Variants in SMARCD3 observed in about 807,000 individuals in gnomAD.
The protein encoded by SMARCD3 is SWI/SNF related BAF chromatin remodeling complex subunit D3, also known as SWI/SNF-related matrix-associated actin-dependent regulator of chromatin subfamily D member 3.
Under a neutral mutation model 58.0 loss-of-function variants are expected in SMARCD3, and 14 were observed. The observed-to-expected ratio is 0.24, with a 90% CI of 0.16 to 0.38. The LOEUF (loss-of-function observed/expected upper bound fraction) is 0.38. SMARCD3 is among the 10% of genes least tolerant of loss of function. The probability of loss-of-function intolerance (pLI) is 1.00; values close to 1 mark genes in which losing one functional copy is unlikely to be tolerated. For missense variants in SMARCD3, 408 were observed against 636.9 expected, an observed-to-expected ratio of 0.64 and a Z score of 3.87; for synonymous variants, 253 against 253.8, an observed-to-expected ratio of 1.00 and a Z score of 0.03.
chr7:151,274,210 G>C (rs1038375837), intron 2 of SMARCD3, among the ~76,000 whole-genome samples: 1 of 152,228 alleles, frequency 6.6e-6, no homozygotes, highest in Non-Finnish European at 1.5e-5. Context: ...GGCCCTGCCA[G>C]TACCCACCCT....
In SMARCD3 at chr7:151,239,807, A is replaced by C; in HGVS notation, c.1174-61T>G. 2 of 1,391,958 alleles carry C rather than the reference A, an allele frequency of 1.4e-6. No homozygotes were observed. The highest frequency in any genetic ancestry group is 2.0e-6 in the Non-Finnish European group (2 of 992,372). The allele number at this position is 1,391,958 out of a possible 1,614,324, so 86.2% of individuals were successfully genotyped here. ...TTGGTGATGTGGGAGACGAGGGGAA[A>C]GGAAGCGGGTGGGAAGGGGAGGGAG... On this transcript the variant is annotated intron_variant, in intron 10 of 12. Coordinates refer to ENST00000262188, the MANE Select transcript of SMARCD3 (RefSeq NM_001003801.2). This position sits in a 1 kb window ranked among gnomAD's most constrained non-coding sequence, Gnocchi z 7.0.
chr7:151,261,971 G>C (rs1464162676), intron 2 of SMARCD3, among the ~76,000 whole-genome samples: 1 of 152,196 alleles, frequency 6.6e-6, no homozygotes, highest in Non-Finnish European at 1.5e-5. Context: ...TAGCATGCAG[G>C]GGTCATGCTG....
Position 151,238,923 on chromosome 7 carries a change from TCCCCTTCTCTC to T in SMARCD3, c.*169_*179del. ...CCACTGCCTCCCCACCTTCTTCCCT[TCCCCTTCTCTC>T]CCCCTCCCCTCCCCAGTTTCCAATG... On this transcript the variant is annotated 3_prime_UTR_variant, in exon 13 of 13. Transcript: ENST00000262188. The T allele has an allele frequency of 9.7e-7, 1 of 1,035,604 alleles. No homozygotes were observed. The highest frequency in any genetic ancestry group is 1.4e-6 in the Non-Finnish European group (1 of 696,968). The allele number at this position is 1,035,604 out of a possible 1,614,324, so 64.2% of individuals were successfully genotyped here.
At chr7:151,277,130 C>T (rs950171474), upstream of SMARCD3, 1 of 150,926 alleles carries the variant, frequency 6.6e-6, no homozygotes, top group Non-Finnish European at 1.5e-5. Context: ...CTGCTCGGCG[C>T]TCGGCTCGGC....
intron 2 of SMARCD3, among the ~76,000 whole-genome samples, chr7:151,253,858 A>G (rs1472641717): frequency 6.6e-6 from 1 of 151,040 alleles, no homozygotes; most frequent in Non-Finnish European, 1.5e-5. Context: ...GGCCACGTCC[A>G]GGGACCCTGA....
In SMARCD3 at chr7:151,245,618, GC is replaced by G; in HGVS notation, c.131del (p.Gly44AlafsTer104). The G allele has an allele frequency of 1.7e-6, 2 of 1,180,704 alleles. No homozygotes were observed. The highest frequency in any genetic ancestry group is 2.1e-6 in the Non-Finnish European group (2 of 941,938). The allele number at this position is 1,180,704 out of a possible 1,614,324, so 73.1% of individuals were successfully genotyped here. ...TGCCCATGTACGGGGAGCCCGGGGG[GC>G]CCATGGGCGCCCCCTGGTGGGGCAT... Reference protein sequence around the residue: ...ARMPHQGAPMGPPGSPYMGSP... With the variant: ...ARMPHQGAPMXPPGSPYMGSP... On this transcript the variant is annotated frameshift_variant, in exon 2 of 13. Coordinates refer to ENST00000262188, the MANE Select transcript of SMARCD3 (RefSeq NM_001003801.2). LOFTEE classifies it high-confidence loss of function. The surrounding 1 kb of genome is among the most constrained non-coding windows in gnomAD (Gnocchi z 6.2).
At position 151,241,805 on chromosome 7, in the gene SMARCD3, C is replaced by G; in HGVS notation, c.777+72G>C. Reference sequence around the variant, plus strand: ...GAGGGGAAGGAGGTCTCTCAAGATGCACCACTTTGGGACCTAGCCCTGCCC... The same window carrying G: ...GAGGGGAAGGAGGTCTCTCAAGATGGACCACTTTGGGACCTAGCCCTGCCC... On this transcript the variant is annotated intron_variant, in intron 7 of 12. Coordinates refer to ENST00000262188, the MANE Select transcript of SMARCD3 (RefSeq NM_001003801.2). This position sits in a 1 kb window ranked among gnomAD's most constrained non-coding sequence, Gnocchi z 5.3. 2.1e-6 allele frequency: 3 copies of G among 1,444,820 alleles called. No homozygotes were observed. Among genetic ancestry groups the G allele is most frequent in the South Asian group, 1.2e-5 (1 of 83,434 alleles). 89.5% of individuals were successfully genotyped at this position (1,444,820 alleles called of 1,614,324 possible). A position where few individuals can be genotyped will look rare whatever the true frequency, so the allele number is the denominator to read the frequency against.
chr7:151,254,277 C>T (rs1199397865), intron 2 of SMARCD3: 1 of 152,426 alleles, frequency 6.6e-6, no homozygotes, highest in East Asian at 1.9e-4. Flanking sequence ...CAGTGCATGT[C>T]TGAGACATCC....
intron 2 of SMARCD3, among the ~76,000 whole-genome samples, chr7:151,274,938 G>A (rs1795295482): frequency 6.6e-6 from 1 of 152,204 alleles, no homozygotes; most frequent in Non-Finnish European, 1.5e-5. Flanking sequence ...AATGACAGGT[G>A]TCAGCAGGGG....
Position 151,238,890 on chromosome 7 carries a change from C to T in SMARCD3, c.*213G>A, listed in dbSNP as rs189319212. 5,204 of 1,260,928 alleles carry T rather than the reference C, an allele frequency of 4.1e-3. 13 individuals carry two copies. The highest frequency in any genetic ancestry group is 5.3e-3 in the Non-Finnish European group (4,832 of 906,700). The allele number at this position is 1,260,928 out of a possible 1,614,324, so 78.1% of individuals were successfully genotyped here. A position where few individuals can be genotyped will look rare whatever the true frequency, so the allele number is the denominator to read the frequency against. On this transcript the variant is annotated 3_prime_UTR_variant, in exon 13 of 13. Coordinates refer to ENST00000262188, the MANE Select transcript of SMARCD3 (RefSeq NM_001003801.2). Reference sequence around the variant, plus strand: ...AAGGGAAGGGAATGGGGAGTCGTCCCGAGGGACCCACTGCCTCCCCACCTT... The same window carrying T: ...AAGGGAAGGGAATGGGGAGTCGTCCTGAGGGACCCACTGCCTCCCCACCTT...
In SMARCD3 at chr7:151,242,583, G is replaced by A; in HGVS notation, c.477C>T (p.Leu159=). 1 of 1,613,566 alleles carries A rather than the reference G, an allele frequency of 6.2e-7. No individual in the cohort carries two copies. The highest frequency in any genetic ancestry group is 8.5e-7 in the Non-Finnish European group (1 of 1,179,500). The change falls in exon 5 of 13, where the codon CTC becomes CTT. Residue 159 remains leucine (L), a synonymous_variant. Coordinates refer to ENST00000262188, the MANE Select transcript of SMARCD3 (RefSeq NM_001003801.2). This position sits in a 1 kb window ranked among gnomAD's most constrained non-coding sequence, Gnocchi z 4.7. ...RPMKQKRKLR[L]YISNTFNPAK... The stretch of plus-strand genomic sequence containing the variant: ...CAGGGTTAAAAGTGTTGGAGATATA[G>A]AGTCGCAGCTTCCGCTTTTGCTGTA...
chr7:151,245,551 G>A lies in SMARCD3; in HGVS notation c.199C>T (p.Pro67Ser). The change falls in exon 2 of 13, where the codon CCC becomes TCC. Residue 67 changes from proline (P) to serine (S), a missense_variant. Transcript: ENST00000262188. The surrounding 1 kb of genome is among the most constrained non-coding windows in gnomAD (Gnocchi z 6.2). ...RPGLAPAGMEPARKRAAPPPG... is the reference protein window; with the variant it reads ...RPGLAPAGMESARKRAAPPPG... ...GGGGGCGCTGCTCGCTTGCGGGCGG[G>A]CTCCATGCCCGCGGGGGCCAGGCCG... The A allele has an allele frequency of 8.3e-7, 1 of 1,206,152 alleles. No individual in the cohort carries two copies. Among genetic ancestry groups the A allele is most frequent in the Non-Finnish European group, 1.0e-6 (1 of 966,220 alleles). The allele number at this position is 1,206,152 out of a possible 1,614,324, so 74.7% of individuals were successfully genotyped here. A position where few individuals can be genotyped will look rare whatever the true frequency, so the allele number is the denominator to read the frequency against.
At position 151,245,129 on chromosome 7, in the gene SMARCD3, C is replaced by A. The variant is rs1803190768; in HGVS notation, c.290+331G>T. Among the ~76,000 whole-genome samples, 1 of 152,064 alleles carries A rather than the reference C, an allele frequency of 6.6e-6. No homozygotes were observed. Among genetic ancestry groups the A allele is most frequent in the South Asian group, 2.1e-4 (1 of 4,818 alleles). On this transcript the variant is annotated intron_variant, in intron 2 of 12. Transcript: ENST00000262188. This position sits in a 1 kb window ranked among gnomAD's most constrained non-coding sequence, Gnocchi z 6.2. ...TCTGCCCTCAGTCCCACTGGAAGCC[C>A]CGCCCCCACCCCAAAGACTGAAGCA... is the stretch of plus-strand genomic sequence containing the variant.
At chr7:151,252,754 G>A (rs1036278130), upstream of SMARCD3, among the ~76,000 whole-genome samples, 13 of 152,096 alleles carry the variant, frequency 8.5e-5, no homozygotes, top group African/African-American at 2.7e-4. Context: ...GGGGCATCAG[G>A]CACCTTCCTC....
At chr7:151,269,410 G>A (rs1451644091) in intron 2 of SMARCD3, among the ~76,000 whole-genome samples, 1 of 152,226 alleles carries the variant, frequency 6.6e-6, no homozygotes, top group East Asian at 1.9e-4. Context: ...AGGGACCACA[G>A]GGCTCTCTCC....
intron 2 of SMARCD3, among the ~76,000 whole-genome samples, chr7:151,262,522 C>T (rs1803951306): frequency 6.6e-6 from 1 of 152,268 alleles, no homozygotes; most frequent in Non-Finnish European, 1.5e-5. Flanking sequence ...CTGTCCTCTA[C>T]ACGTTTAGTG....
intron 2 of SMARCD3, among the ~76,000 whole-genome samples, chr7:151,273,834 G>A (rs182082084): frequency 2.6e-5 from 4 of 152,362 alleles, no homozygotes; most frequent in East Asian, 1.9e-4. Flanking sequence ...CCCAAAAGCC[G>A]GTGCCCTGCC....
At chr7:151,240,951 T>A in intron 8 of SMARCD3, 1 of 236,962 alleles carries the variant, frequency 4.2e-6, no homozygotes, top group East Asian at 1.1e-4. Context: ...AAGTGCCCAA[T>A]AAATATCAAC....
chr7:151,268,049 T>C (rs982414743), intron 2 of SMARCD3, among the ~76,000 whole-genome samples: 10 of 152,202 alleles, frequency 6.6e-5, no homozygotes, highest in African/African-American at 2.4e-4. Context: ...CCCTGAGTTC[T>C]CAGGGAGAAA....
Sources: gnomAD v4.1 joint callset for allele counts (sites outside exome capture counted in the v4.1 genomes callset) on GRCh38, gnomAD v4.1.1 for gene constraint, Gnocchi (gnomAD v3.1) non-coding constraint, MANE v1.5 for transcripts, NCBI Gene and HGNC (gene_info 2026-07-23, HGNC 2026-07-21) for gene names.